The following ZBTB7B variants were observed in gnomAD, a reference collection of about 807,000 sequenced individuals.
ZBTB7B encodes the protein zinc finger and BTB domain-containing protein 7B.
Under a neutral mutation model 31.0 loss-of-function variants are expected in ZBTB7B, and 8 were observed. The ratio of observed to expected loss-of-function variants is 0.26; its 90% CI spans 0.15 to 0.47. The LOEUF (loss-of-function observed/expected upper bound fraction) is 0.47. ZBTB7B is among the 20% of genes least tolerant of loss of function. The pLI is 0.99. For synonymous variants in ZBTB7B, 261 were observed against 307.3 expected (o/e 0.85, Z 1.58); for missense variants, 494 against 742.4 (o/e 0.67, Z 3.89).
At chr1:155,002,371 A>T (rs1658280664), upstream of ZBTB7B, among the ~76,000 whole-genome samples, 1 of 148,908 alleles carries the variant, frequency 6.7e-6, no homozygotes, top group African/African-American at 2.5e-5. Flanking sequence ...GAAGGGAGAC[A>T]GAGAGAAGGA....
chr1:155,011,043 G>A, intron 1 of ZBTB7B: 1 of 1,514,600 alleles, frequency 6.6e-7, no homozygotes, highest in Non-Finnish European at 8.9e-7. Context: ...TGGGGAGGGG[G>A]GGCTCTGCGT....
Position 155,016,259 on chromosome 1 carries a change from A to G in ZBTB7B, c.1194A>G (p.Gly398=). ...KLKIHMRKHT[G]ERPYSCPHCP... is the part of the protein sequence containing the mutation. ...AGATCCACATGCGGAAGCACACGGG[A>G]GAGCGCCCCTACTCATGCCCGCACT... is the stretch of plus-strand genomic sequence containing the variant. Residue 398 remains glycine (G), a synonymous_variant, in exon 3 of 3, where the codon GGA becomes GGG. Transcript: ENST00000535420. This position sits in a 1 kb window ranked among gnomAD's most constrained non-coding sequence, Gnocchi z 4.3. The G allele has an allele frequency of 6.2e-7, 1 of 1,613,796 alleles. No homozygotes were observed. Among genetic ancestry groups the G allele is most frequent in the Non-Finnish European group, 8.5e-7 (1 of 1,179,792 alleles).
chr1:155,010,034 G>C (rs545066100), intron 1 of ZBTB7B, among the ~76,000 whole-genome samples: 1 of 152,010 alleles, frequency 6.6e-6, no homozygotes, highest in Non-Finnish European at 1.5e-5. Flanking sequence ...AGGCAATGAG[G>C]GGACAGAACC....
At chr1:155,002,119 C>G (rs922496771), upstream of ZBTB7B, among the ~76,000 whole-genome samples, 5 of 152,228 alleles carry the variant, frequency 3.3e-5, no homozygotes, top group Non-Finnish European at 5.9e-5. Flanking sequence ...GCCCCCTCCC[C>G]CCTCCTCTCC....
intron 1 of ZBTB7B, among the ~76,000 whole-genome samples, chr1:155,009,262 G>A (rs1393359156): frequency 6.6e-6 from 1 of 152,072 alleles, no homozygotes; most frequent in Non-Finnish European, 1.5e-5. Flanking sequence ...GCAGAGAGCC[G>A]GGCTCCGGAG....
In ZBTB7B at chr1:155,003,747, GTGT is replaced by G. The variant is rs942014250; in HGVS notation, c.-7+811_-7+813del. 2.6e-5 allele frequency among the ~76,000 whole-genome samples: 4 copies of G among 152,226 alleles called. No individual in the cohort carries two copies. Among genetic ancestry groups the G allele is most frequent in the African/African-American group, 4.8e-5 (2 of 41,452 alleles). On this transcript the variant is annotated intron_variant, in intron 1 of 2. Transcript: ENST00000535420. The surrounding 1 kb of genome is among the most constrained non-coding windows in gnomAD (Gnocchi z 5.8). ...CCAGCCCAGAGTGGGGGTCGCTACT[GTGT>G]TGTTGTAGAACCTACAGAGTGCGCC...
Position 155,016,443 on chromosome 1 carries a change from C to G in ZBTB7B, c.1378C>G (p.Arg460Gly). 6.2e-7 allele frequency: 1 copy of G among 1,614,092 alleles called. No individual in the cohort carries two copies. ...CCAGAACTGCCTGGAGGTGCGCACCCGACGGCGCCGCAAGGACGATGCACC... is the reference window on the plus strand; with the variant it reads ...CCAGAACTGCCTGGAGGTGCGCACCGGACGGCGCCGCAAGGACGATGCACC... ...KGQNCLEVRTRRRRKDDAPPH... is the reference protein window; with the variant it reads ...KGQNCLEVRTGRRRKDDAPPH... The change falls in exon 3 of 3, where the codon CGA becomes GGA. Residue 460 changes from arginine (R) to glycine (G), a missense_variant. This residue lies in a region of ZBTB7B where 101 missense variants were observed against 119.5 expected (regional missense o/e 0.85). Coordinates refer to ENST00000535420, the MANE Select transcript of ZBTB7B (RefSeq NM_001256455.2). This position sits in a 1 kb window ranked among gnomAD's most constrained non-coding sequence, Gnocchi z 4.3.
Position 155,016,398 on chromosome 1 carries a change from C to A in ZBTB7B, c.1333C>A (p.Leu445Met). The A allele has an allele frequency of 4.3e-6, 7 of 1,614,172 alleles. No individual in the cohort carries two copies. The highest frequency in any genetic ancestry group is 5.1e-6 in the Non-Finnish European group (6 of 1,180,012). Residue 445 changes from leucine (L) to methionine (M), a missense_variant, in exon 3 of 3, where the codon CTG becomes ATG. Around this residue, in one of 5 missense-constraint regions of ZBTB7B, gnomAD observed 61 missense variants for 170.0 expected, o/e 0.36. Transcript: ENST00000535420. This position sits in a 1 kb window ranked among gnomAD's most constrained non-coding sequence, Gnocchi z 4.3. ...CHKAFAKEDH[L>M]QRHLKGQNCL... is the part of the protein sequence containing the mutation. ...CAAGGCTTTCGCCAAGGAGGACCACCTGCAGCGCCACCTCAAAGGCCAGAA... is the reference window on the plus strand; with the variant it reads ...CAAGGCTTTCGCCAAGGAGGACCACATGCAGCGCCACCTCAAAGGCCAGAA...
rs1439145826 is a variant in ZBTB7B at position 155,015,057 on chromosome 1, G to A, written c.397G>A (p.Val133Ile). 6.2e-7 allele frequency: 1 copy of A among 1,613,910 alleles called. No individual in the cohort carries two copies. Among genetic ancestry groups the A allele is most frequent in the Non-Finnish European group, 8.5e-7 (1 of 1,180,036 alleles). The change falls in exon 2 of 3, where the codon GTC (valine) becomes ATC (isoleucine). Residue 133 changes from valine (V) to isoleucine (I), a missense_variant. Around this residue, in one of 5 missense-constraint regions of ZBTB7B, gnomAD observed 90 missense variants for 143.2 expected, o/e 0.63. Coordinates refer to ENST00000535420, the MANE Select transcript of ZBTB7B (RefSeq NM_001256455.2). ...QAARLLEIPC[V>I]IAACMEILQG... ...TGCCCGCCTGCTGGAGATCCCGTGTGTCATCGCTGCTTGCATGGAGATTCT... is the reference window on the plus strand; with the variant it reads ...TGCCCGCCTGCTGGAGATCCCGTGTATCATCGCTGCTTGCATGGAGATTCT...
chr1:155,003,529 C>T lies in ZBTB7B; in HGVS notation c.-7+586C>T, dbSNP rs1227340930. Among the ~76,000 whole-genome samples the T allele has an allele frequency of 6.6e-6, 1 of 152,196 alleles. No individual in the cohort carries two copies. Among genetic ancestry groups the T allele is most frequent in the Non-Finnish European group, 1.5e-5 (1 of 68,020 alleles). On this transcript the variant is annotated intron_variant, in intron 1 of 2. Transcript: ENST00000535420. This position sits in a 1 kb window ranked among gnomAD's most constrained non-coding sequence, Gnocchi z 5.8. ...CTCCAGCGGTAGTGGGGCTCAGCAACAACCTCTGAACCGACATAGAACGAC... is the reference window on the plus strand; with the variant it reads ...CTCCAGCGGTAGTGGGGCTCAGCAATAACCTCTGAACCGACATAGAACGAC...
chr1:155,011,573 G>T (rs1205791509), intron 1 of ZBTB7B, among the ~76,000 whole-genome samples: 1 of 152,184 alleles, frequency 6.6e-6, no homozygotes, highest in African/African-American at 2.4e-5. Context: ...GGAAAGAGGG[G>T]AGTGATGGGG....
chr1:155,009,010 G>C lies in ZBTB7B; in HGVS notation c.-6-5645G>C, dbSNP rs78288415. ...AGGTGAGTAGGCCCTGCTCTGGCTT[G>C]GGAGATCAGGCCCCAGGGGGGCTTG... On this transcript the variant is annotated intron_variant, in intron 1 of 2. Transcript: ENST00000535420. 4.1e-3 allele frequency among the ~76,000 whole-genome samples: 628 copies of C among 152,372 alleles called. 9 individuals are homozygous for C. The highest frequency in any genetic ancestry group is 0.033 in the East Asian group (171 of 5,182).
At chr1:155,008,142 T>C (rs1304273981) in intron 1 of ZBTB7B, among the ~76,000 whole-genome samples, 2 of 151,922 alleles carry the variant, frequency 1.3e-5, no homozygotes, top group South Asian at 2.1e-4. Flanking sequence ...CCTTCCTCTT[T>C]CGGTGCCCAC....
rs1213667395 is a variant in ZBTB7B, at chr1:155,004,458, G to A, written c.-7+1515G>A. Among the ~76,000 whole-genome samples, 1 of 152,102 alleles carries A rather than the reference G, an allele frequency of 6.6e-6. No individual in the cohort carries two copies. Among genetic ancestry groups the A allele is most frequent in the Non-Finnish European group, 1.5e-5 (1 of 67,986 alleles). ...ATGTGTGAGTGTGGGGATGAGGCCT[G>A]GAGGATTATGGGGTTGCCTCCTGCT... On this transcript the variant is annotated intron_variant, in intron 1 of 2. Coordinates refer to ENST00000535420, the MANE Select transcript of ZBTB7B (RefSeq NM_001256455.2). This position sits in a 1 kb window ranked among gnomAD's most constrained non-coding sequence, Gnocchi z 4.0.
Position 155,015,506 on chromosome 1 carries a change from G to A in ZBTB7B, c.846G>A (p.Leu282=), listed in dbSNP as rs1659310146. The change falls in exon 2 of 3, where the codon CTG becomes CTA. Residue 282 remains leucine (L), a synonymous_variant. Transcript: ENST00000535420. ...PYEGEEEEEE[L]VYPPAYGLAQ... ...AGGGTGAGGAAGAAGAAGAGGAGCT[G>A]GTATATCCCCCAGCCTATGGGCTGG... 1 of 1,613,764 alleles carries A rather than the reference G, an allele frequency of 6.2e-7. No homozygotes were observed. The highest frequency in any genetic ancestry group is 8.5e-7 in the Non-Finnish European group (1 of 1,179,856).
At chr1:155,007,851 A>C (rs1462515331) in intron 1 of ZBTB7B, among the ~76,000 whole-genome samples, 2 of 152,010 alleles carry the variant, frequency 1.3e-5, no homozygotes, top group Non-Finnish European at 2.9e-5. Context: ...TGTTGGGGGA[A>C]AGGGGAGGGG....
Position 155,016,347 on chromosome 1 carries a change from C to A in ZBTB7B, c.1282C>A (p.Arg428=). 1 of 1,614,128 alleles carries A rather than the reference C, an allele frequency of 6.2e-7. No individual in the cohort carries two copies. Among genetic ancestry groups the A allele is most frequent in the Non-Finnish European group, 8.5e-7 (1 of 1,180,012 alleles). ...CCACATGCACCTGCACACAGGGGAC[C>A]GGCCCTATGAGTGCCACCTGTGCCA... The part of the protein sequence containing the change: ...KNHMHLHTGD[R]PYECHLCHKA... Residue 428 remains arginine (R), a synonymous_variant, in exon 3 of 3, where the codon CGG becomes AGG. Coordinates refer to ENST00000535420, the MANE Select transcript of ZBTB7B (RefSeq NM_001256455.2). This position sits in a 1 kb window ranked among gnomAD's most constrained non-coding sequence, Gnocchi z 4.3.
At chr1:155,002,335 G>A (rs549001148), upstream of ZBTB7B, among the ~76,000 whole-genome samples, 3 of 150,404 alleles carry the variant, frequency 2.0e-5, no homozygotes, top group Non-Finnish European at 3.0e-5. Flanking sequence ...AGGAGAAAGG[G>A]GGGGGAGAGA....
At position 155,016,382 on chromosome 1, in the gene ZBTB7B, C is replaced by T. The variant is rs746864508; in HGVS notation, c.1317C>T (p.Phe439=). The change falls in exon 3 of 3, where the codon TTC becomes TTT. Residue 439 remains phenylalanine (F), a synonymous_variant. Transcript: ENST00000535420. This position sits in a 1 kb window ranked among gnomAD's most constrained non-coding sequence, Gnocchi z 4.3. ...PYECHLCHKA[F]AKEDHLQRHL... is the part of the protein sequence containing the mutation. ...AGTGCCACCTGTGCCACAAGGCTTTCGCCAAGGAGGACCACCTGCAGCGCC... is the reference window on the plus strand; with the variant it reads ...AGTGCCACCTGTGCCACAAGGCTTTTGCCAAGGAGGACCACCTGCAGCGCC... 25 of 1,614,022 alleles carry T rather than the reference C, an allele frequency of 1.5e-5. No homozygotes were observed. Among genetic ancestry groups the T allele is most frequent in the East Asian group, 2.2e-5 (1 of 44,896 alleles).
Sources: gnomAD v4.1 joint callset for allele counts (sites outside exome capture counted in the v4.1 genomes callset) on GRCh38, gnomAD v4.1.1 for gene constraint, gnomAD v4.1.1 regional missense constraint, Gnocchi (gnomAD v3.1) non-coding constraint, MANE v1.5 for transcripts, NCBI Gene and HGNC (gene_info 2026-07-23, HGNC 2026-07-21) for gene names.